Variants in IRAG2 observed in about 807,000 individuals in gnomAD.
The protein encoded by IRAG2 is lymphoid restricted membrane protein.
IRAG2 carries 45 observed loss-of-function variants against 69.9 expected under a neutral mutation model. The observed-to-expected ratio is 0.64, with a 90% CI of 0.51 to 0.83. The LOEUF (loss-of-function observed/expected upper bound fraction) is 0.83, where lower values mean the gene tolerates loss of function less well. IRAG2 is among the 40% of genes least tolerant of loss of function. The probability of loss-of-function intolerance (pLI) is 0.00; values close to 1 mark genes in which losing one functional copy is unlikely to be tolerated. For synonymous variants in IRAG2, 193 were observed against 202.4 expected (o/e 0.95, Z 0.40); for missense variants, 520 against 587.0 (o/e 0.89, Z 1.18).
intron 3 of IRAG2, chr12:25,015,167 T>TG: frequency 1.6e-6 from 2 of 1,212,430 alleles, no homozygotes; most frequent in Non-Finnish European, 2.0e-6. Context: ...TTTTTTTTTT[T>TG]TTTTTTGGCT....
chr12:25,097,754 G>A (rs1455423128), intron 15 of IRAG2, among the ~76,000 whole-genome samples: 1 of 152,056 alleles, frequency 6.6e-6, no homozygotes, highest in Non-Finnish European at 1.5e-5. Flanking sequence ...GTTATTCTTT[G>A]TTTCATTTTT....
intron 12 of IRAG2, chr12:25,033,677 T>C (rs759584088): frequency 5.7e-5 from 22 of 384,268 alleles, no homozygotes; most frequent in Non-Finnish European, 6.9e-5. Context: ...TCTGTGCAGC[T>C]CCTGGAGGAC....
At chr12:25,022,572 A>T (rs1422614227) in intron 7 of IRAG2, among the ~76,000 whole-genome samples, 2 of 152,220 alleles carry the variant, frequency 1.3e-5, no homozygotes, top group East Asian at 3.8e-4. Context: ...GTGTTTTATA[A>T]TTTTAAAAGA....
At chr12:25,066,583 T>C (rs1243457763) in intron 5 of IRAG2, 71 bp downstream of exon 5, 2 of 399,924 alleles carry the variant, frequency 5.0e-6, no homozygotes, top group Non-Finnish European at 8.9e-6. Flanking sequence ...AACATTTTAA[T>C]TGGTCAGATT....
intron 5 of IRAG2, among the ~76,000 whole-genome samples, chr12:25,067,044 T>C (rs1369882813): frequency 6.6e-6 from 1 of 152,168 alleles, no homozygotes; most frequent in Non-Finnish European, 1.5e-5. Flanking sequence ...ACTCTAAAGC[T>C]TAAAAGACAA....
chr12:25,055,344 A>T (rs1158148980), intron 1 of IRAG2, among the ~76,000 whole-genome samples: 1 of 152,234 alleles, frequency 6.6e-6, no homozygotes, highest in East Asian at 1.9e-4. Context: ...AAACTGTTCA[A>T]TTGCTTGAAT....
intron 1 of IRAG2, among the ~76,000 whole-genome samples, chr12:25,059,908 T>C (rs1392699438): frequency 1.3e-5 from 2 of 152,256 alleles, no homozygotes; most frequent in Non-Finnish European, 2.9e-5. Context: ...ATTAGCATTA[T>C]GCTCATGACT....
chr12:25,038,403 G>A (rs1191990723), intron 16 of IRAG2, among the ~76,000 whole-genome samples: 1 of 152,130 alleles, frequency 6.6e-6, no homozygotes, highest in African/African-American at 2.4e-5. Context: ...AGCACTTTGG[G>A]AGGCTAAGGT....
chr12:25,077,404 T>TGATATATATATGAA (rs1565563765), intron 6 of IRAG2, among the ~76,000 whole-genome samples: 9 of 136,732 alleles, frequency 6.6e-5, no homozygotes, highest in African/African-American at 1.1e-4. Context: ...GAAATATATA[T>TGATATATATATGAA]ACACATAATA....
At chr12:25,080,827 T>C (rs948283038) in intron 9 of IRAG2, among the ~76,000 whole-genome samples, 7 of 152,172 alleles carry the variant, frequency 4.6e-5, no homozygotes, top group Non-Finnish European at 1.0e-4. Context: ...TACACCAAGG[T>C]TCCATTTGTT....
Position 25,076,388 on chromosome 12 carries a change from G to A in IRAG2, c.25-2856G>A, listed in dbSNP as rs115088995. Reference sequence around the variant, plus strand: ...CTAACTACAATGTTTCATATCTAACGTATAGGGCAAAAGAAGGCCTTACAC... The same window carrying A: ...CTAACTACAATGTTTCATATCTAACATATAGGGCAAAAGAAGGCCTTACAC... On this transcript the variant is annotated intron_variant, in intron 6 of 21. Coordinates refer to ENST00000556887, the MANE Select transcript of IRAG2 (RefSeq NM_001366544.2). 3.0e-3 allele frequency: 2,938 copies of A among 971,446 alleles called. 30 individuals are homozygous for A. Among genetic ancestry groups the A allele is most frequent in the African/African-American group, 0.03 (1,719 of 56,990 alleles). 60.2% of individuals were successfully genotyped at this position (971,446 alleles called of 1,614,324 possible).
chr12:24,997,633 A>G, the IRAG2 span: 3 of 153,110 alleles, frequency 2.0e-5, no homozygotes, highest in African/African-American at 4.8e-5. Context: ...GTTTTCCCCA[A>G]CGAAATAATT....
At chr12:25,103,763 G>A in intron 17 of IRAG2, 74 bp from the exon 18 acceptor site, 9 of 1,058,994 alleles carry the variant, frequency 8.5e-6, no homozygotes, top group East Asian at 2.4e-5. Context: ...CATGTACAAG[G>A]ATATTTATTG....
upstream of IRAG2, among the ~76,000 whole-genome samples, chr12:25,047,453 T>C (rs576272807): frequency 6.6e-6 from 1 of 152,326 alleles, no homozygotes; most frequent in South Asian, 2.1e-4. Flanking sequence ...TTTTTTGTTT[T>C]TGTTTTTTCC....
rs111759784 is a variant in IRAG2 at position 25,079,508 on chromosome 12, A to C, written c.136+46A>C. ...TATTAAAATAGACTGTTAGTATTAC[A>C]GCTTTCAGCCTGATGTTCTGTGACC... On this transcript the variant is annotated intron_variant, in intron 8 of 21. Coordinates refer to ENST00000556887, the MANE Select transcript of IRAG2 (RefSeq NM_001366544.2). The C allele has an allele frequency of 2.3e-5, 35 of 1,529,794 alleles. No homozygotes were observed. In the African/African-American group the frequency reaches 4.6e-4, roughly 20 times the overall value. The allele number at this position is 1,529,794 out of a possible 1,614,324, so 94.8% of individuals were successfully genotyped here.
At position 25,103,864 on chromosome 12, in the gene IRAG2, G is replaced by C; in HGVS notation, c.961G>C (p.Ala321Pro). Residue 321 changes from alanine (A) to proline (P), a missense_variant, in exon 18 of 22, where the codon GCC becomes CCC. Ala to Pro is a conservative substitution (Grantham distance 27). Coordinates refer to ENST00000556887, the MANE Select transcript of IRAG2 (RefSeq NM_001366544.2). ...ATCTTCTCTACGAAGAGTGACTATT[G>C]CCTCTTTACCCAGAAATATTGGAAA... The part of the protein sequence containing the change: ...KPSSLRRVTI[A>P]SLPRNIGNAG... 5 of 1,613,154 alleles carry C rather than the reference G, an allele frequency of 3.1e-6. No homozygotes were observed. Among genetic ancestry groups the C allele is most frequent in the Non-Finnish European group, 2.5e-6 (3 of 1,179,414 alleles).
intron 16 of IRAG2, chr12:25,101,892 A>G (rs1314223168): frequency 8.6e-6 from 5 of 581,288 alleles, no homozygotes. Flanking sequence ...AACAGTAACC[A>G]TATTTGATAC....
At chr12:25,100,938 T>A (rs1948718105) in intron 15 of IRAG2, 1 of 339,884 alleles carries the variant, frequency 2.9e-6, no homozygotes, top group Non-Finnish European at 5.3e-6. Context: ...CTGCCTTTTT[T>A]AGGGTTCAGC....
chr12:25,060,668 C>CTTTT (rs753591747), intron 1 of IRAG2, among the ~76,000 whole-genome samples: 14 of 99,276 alleles, frequency 1.4e-4, no homozygotes, highest in Non-Finnish European at 1.9e-4. Flanking sequence ...AATGTATTTT[C>CTTTT]TTTTTTTTTT....
Sources: allele counts gnomAD v4.1 joint callset (sites outside exome capture counted in the v4.1 genomes callset), GRCh38; gene constraint gnomAD v4.1.1; transcripts MANE v1.5; gene names NCBI Gene and HGNC (gene_info 2026-07-23, HGNC 2026-07-21).